RGS12: variants seen among roughly 807,000 people sequenced by gnomAD.
RGS12 encodes regulator of G protein signaling 12.
Under a neutral mutation model 120.1 loss-of-function variants are expected in RGS12, and 66 were observed. That is an observed-to-expected ratio of 0.55 (90% CI 0.45 to 0.67). RGS12 has a LOEUF of 0.67. RGS12 is among the 30% of genes least tolerant of loss of function. RGS12 has a pLI of 0.00. For missense variants in RGS12, 1,859 were observed against 1,957.7 expected (o/e 0.95, Z 0.95); for synonymous variants, 827 against 804.7 (o/e 1.03, Z -0.47).
chr4:3,388,886 T>C (rs192885028), intron 4 of RGS12, among the ~76,000 whole-genome samples: 43 of 152,310 alleles, frequency 2.8e-4, no homozygotes, highest in Non-Finnish European at 5.0e-4. Context: ...CCAGTGTTTT[T>C]ATGGGAAAAA....
chr4:3,326,217 G>C (rs1725544222), intron 2 of RGS12, among the ~76,000 whole-genome samples: 1 of 152,186 alleles, frequency 6.6e-6, no homozygotes, highest in Non-Finnish European at 1.5e-5. Context: ...AATTAGAGAA[G>C]AGGAGGTCAA....
intron 2 of RGS12, among the ~76,000 whole-genome samples, chr4:3,320,559 G>A (rs915210096): frequency 2.0e-5 from 3 of 152,234 alleles, no homozygotes; most frequent in African/African-American, 7.2e-5. Flanking sequence ...CAGCCCTGGC[G>A]CTCCGTGTGG....
the RGS12 span, among the ~76,000 whole-genome samples, chr4:3,286,138 C>A: frequency 2.6e-5 from 4 of 152,244 alleles, no homozygotes; most frequent in Non-Finnish European, 5.9e-5. Context: ...GAGGCCACCA[C>A]AGGGAGGGTC....
chr4:3,394,312 A>T (rs191379301), intron 4 of RGS12, among the ~76,000 whole-genome samples: 1 of 152,026 alleles, frequency 6.6e-6, no homozygotes, highest in African/African-American at 2.4e-5. Flanking sequence ...GCAGATGTAC[A>T]CCACCACGCC....
At chr4:3,431,464 CGGCCCCCGTAGCAG>C in intron 17 of RGS12, 2 of 988,714 alleles carry the variant, frequency 2.0e-6, no homozygotes, top group Non-Finnish European at 2.4e-6. Flanking sequence ...GACCCACCGG[CGGCCCCCGTAGCAG>C]GTGGTGTGGG....
chr4:3,439,087 TG>T (rs1214335186), intron 17 of RGS12, among the ~76,000 whole-genome samples: 5 of 144,810 alleles, frequency 3.5e-5, no homozygotes, highest in Admixed American at 6.8e-5. Context: ...GCCCTGGGCC[TG>T]GGGGGGCCCC....
intron 3 of RGS12, among the ~76,000 whole-genome samples, chr4:3,354,550 C>T (rs1287184791): frequency 3.3e-5 from 5 of 152,236 alleles, no homozygotes; most frequent in Admixed American, 2.6e-4. Flanking sequence ...ATATTCAAGC[C>T]TGTCCTGCAG....
At chr4:3,425,423 T>C (rs1288263042) in intron 13 of RGS12, 41 bp from the exon 14 acceptor site, 4 of 1,547,886 alleles carry the variant, frequency 2.6e-6, no homozygotes, top group Non-Finnish European at 3.6e-6. Context: ...TCCCTGAAGT[T>C]CCAGTCTGGG....
chr4:3,303,210 C>T (rs758009247), intron 1 of RGS12, among the ~76,000 whole-genome samples: 4 of 152,040 alleles, frequency 2.6e-5, no homozygotes, highest in South Asian at 4.1e-4. Flanking sequence ...AAGGACAAAG[C>T]GCTGGCAGCT....
chr4:3,323,691 T>G (rs565554323), intron 2 of RGS12, among the ~76,000 whole-genome samples: 2 of 152,204 alleles, frequency 1.3e-5, no homozygotes, highest in Non-Finnish European at 2.9e-5. Context: ...ATAAGCTGGA[T>G]TGCAGTAAAA....
At position 3,317,174 on chromosome 4, in the gene RGS12, C is replaced by T; in HGVS notation, c.1004C>T (p.Thr335Ile). Residue 335 changes from threonine (T) to isoleucine (I), a missense_variant, in exon 2 of 18, where the codon ACT (threonine) becomes ATT (isoleucine). This residue lies in a region of RGS12 where 967 missense variants were observed against 994.2 expected (regional missense o/e 0.97). Coordinates refer to ENST00000336727, the MANE Select transcript of RGS12 (RefSeq NM_001394154.1). ...CAGGAGGAGGAGGGCGCCCTGCGGA[C>T]TTCCTGCCACGTGTTCATGGTGGAC... ...LAQEEEGALR[T>I]SCHVFMVDPD... 6.2e-7 allele frequency: 1 copy of T among 1,614,134 alleles called. No individual in the cohort carries two copies. The highest frequency in any genetic ancestry group is 8.5e-7 in the Non-Finnish European group (1 of 1,180,036).
chr4:3,366,122 C>T lies in RGS12; in HGVS notation c.1999-20294C>T, dbSNP rs1014658668. The stretch of plus-strand genomic sequence containing the variant: ...GGTGCTGGCCTGGGCAGCACCATGA[C>T]CCACCCGAGAAGGGCAATGGGGAAG... On this transcript the variant is annotated intron_variant, in intron 3 of 17. Coordinates refer to ENST00000336727, the MANE Select transcript of RGS12 (RefSeq NM_001394154.1). This position sits in a 1 kb window ranked among gnomAD's most constrained non-coding sequence, Gnocchi z 4.0. Among the ~76,000 whole-genome samples the T allele has an allele frequency of 6.6e-6, 1 of 151,936 alleles. No individual in the cohort carries two copies. Among genetic ancestry groups the T allele is most frequent in the African/African-American group, 2.4e-5 (1 of 41,354 alleles).
intron 3 of RGS12, among the ~76,000 whole-genome samples, chr4:3,375,356 T>C (rs1717552721): frequency 1.0e-5 from 1 of 98,964 alleles, no homozygotes; most frequent in South Asian, 4.7e-4. Flanking sequence ...TCCAGCCTCA[T>C]CTCCAGCCCT....
At chr4:3,397,985 G>C (rs28444642) in intron 4 of RGS12, among the ~76,000 whole-genome samples, 11,466 of 152,240 alleles carry the variant, frequency 0.075, 1,105 homozygotes, top group African/African-American at 0.23. Flanking sequence ...CTTCCTAGCT[G>C]TGGGTCTCAT....
At chr4:3,327,557 T>C (rs946393159) in intron 2 of RGS12, among the ~76,000 whole-genome samples, 1 of 152,152 alleles carries the variant, frequency 6.6e-6, no homozygotes. Flanking sequence ...CCAGAATATA[T>C]GAGCACTCAA....
In RGS12 at chr4:3,342,867, C is replaced by T. The variant is rs533339167; in HGVS notation, c.1882-70C>T. ...CAGTATTCCTTGATTTTCTGCTATG[C>T]CATGCATTGGACAAGACTAAACATC... On this transcript the variant is annotated intron_variant, in intron 2 of 17. Coordinates refer to ENST00000336727, the MANE Select transcript of RGS12 (RefSeq NM_001394154.1). 9 of 990,562 alleles carry T rather than the reference C, an allele frequency of 9.1e-6. No homozygotes were observed. The South Asian group carries it at 9.1e-5, about 10-fold the overall frequency. 61.4% of individuals were successfully genotyped at this position (990,562 alleles called of 1,614,324 possible). A position where few individuals can be genotyped will look rare whatever the true frequency, so the allele number is the denominator to read the frequency against.
At chr4:3,362,821 CAG>C (rs1255874743) in intron 3 of RGS12, among the ~76,000 whole-genome samples, 3 of 120,424 alleles carry the variant, frequency 2.5e-5, no homozygotes, top group Admixed American at 2.4e-4. Flanking sequence ...GAGGGTGTGT[CAG>C]TGTGTTTGAG....
At chr4:3,422,006 G>C (rs1327592388) in intron 10 of RGS12, among the ~76,000 whole-genome samples, 1 of 152,242 alleles carries the variant, frequency 6.6e-6, no homozygotes, top group Non-Finnish European at 1.5e-5. Context: ...GCTGTGTATA[G>C]AGAGGACAGG....
intron 4 of RGS12, among the ~76,000 whole-genome samples, chr4:3,391,704 C>T (rs975558425): frequency 4.9e-5 from 7 of 143,160 alleles, no homozygotes; most frequent in African/African-American, 2.1e-4. Flanking sequence ...GAGGCCATGT[C>T]AGAGAGGGCT....
Sources: allele counts gnomAD v4.1 joint callset (sites outside exome capture counted in the v4.1 genomes callset), GRCh38; gene constraint gnomAD v4.1.1; regional missense constraint gnomAD v4.1.1; non-coding constraint Gnocchi (gnomAD v3.1); transcripts MANE v1.5; gene names NCBI Gene and HGNC (gene_info 2026-07-23, HGNC 2026-07-21).